PCNT: variants seen among roughly 807,000 people sequenced by gnomAD.
The protein encoded by PCNT is pericentrin, also known as kendrin.
In PCNT, 319 loss-of-function variants were observed where a neutral mutation model predicts 380.4. That is an observed-to-expected ratio of 0.84 (90% CI 0.77 to 0.92). The LOEUF is 0.92. Among genes scored for constraint, PCNT ranks in the 40% least tolerant of loss-of-function variants. PCNT has a pLI of 0.00. For synonymous variants in PCNT, 1,845 were observed against 1,735.2 expected (o/e 1.06, Z -1.57); for missense variants, 4,400 against 4,255.3 (o/e 1.03, Z -0.95).
At position 46,346,967 on chromosome 21, in the gene PCNT, G is replaced by T; in HGVS notation, c.945G>T (p.Glu315Asp). ...GGGAGCAGCACGCACGGGAGAAGGA[G>T]GAGGTGGTGCTCAGGTGTGGACAGG... ...LLREQHAREK[E>D]EVVLRCGQEA... Residue 315 changes from glutamate to aspartate, a missense_variant, in exon 5 of 47, where the codon GAG becomes GAT. By Grantham distance (45) the Glu-to-Asp change is conservative. Transcript: ENST00000359568. 1 of 1,596,690 alleles carries T rather than the reference G, an allele frequency of 6.3e-7. No individual in the cohort carries two copies. Among genetic ancestry groups the T allele is most frequent in the East Asian group, 2.3e-5 (1 of 44,308 alleles).
intron 3 of PCNT, among the ~76,000 whole-genome samples, chr21:46,345,195 G>C (rs910401423): frequency 6.6e-6 from 1 of 152,154 alleles, no homozygotes; most frequent in African/African-American, 2.4e-5. Flanking sequence ...AGAGTCCACA[G>C]CTTCTGTTTC....
rs567496677 is a variant in PCNT, at chr21:46,428,323, C to T, written c.7495-72C>T. The T allele has an allele frequency of 4.2e-4, 580 of 1,392,596 alleles. 2 individuals carry two copies. The African/African-American group carries it at 6.9e-3, about 17-fold the overall frequency. The allele number at this position is 1,392,596 out of a possible 1,614,324, so 86.3% of individuals were successfully genotyped here. On this transcript the variant is annotated intron_variant, in intron 34 of 46. Transcript: ENST00000359568. ...GTCCCGGCGGAGCTGGTTTTGAGGG[C>T]GGGCAGCAGGGAAGGCCGGGGCATG...
chr21:46,385,762 A>G lies in PCNT; in HGVS notation c.3313-70A>G, dbSNP rs78997215. On this transcript the variant is annotated intron_variant, in intron 16 of 46. Transcript: ENST00000359568. ...ACTCTCAAATACTGAAATTGTGTTGAAAGTCCCTTACAGCCATTTGCTTTT... is the reference window on the plus strand; with the variant it reads ...ACTCTCAAATACTGAAATTGTGTTGGAAGTCCCTTACAGCCATTTGCTTTT... 757 of 1,521,438 alleles carry G rather than the reference A, an allele frequency of 5.0e-4. 5 individuals carry two copies. In the African/African-American group the frequency reaches 9.1e-3, roughly 18 times the overall value. The allele number at this position is 1,521,438 out of a possible 1,614,324, so 94.2% of individuals were successfully genotyped here. A position where few individuals can be genotyped will look rare whatever the true frequency, so the allele number is the denominator to read the frequency against.
intron 26 of PCNT, 100 bp downstream of exon 26, chr21:46,401,821 T>C (rs2086439265): frequency 9.3e-7 from 1 of 1,069,846 alleles, no homozygotes; most frequent in African/African-American, 1.6e-5. Context: ...GGCGATGGGC[T>C]TGTGACCACT....
intron 21 of PCNT, among the ~76,000 whole-genome samples, chr21:46,393,408 C>T (rs1318493231): frequency 4.6e-5 from 7 of 152,146 alleles, no homozygotes; most frequent in African/African-American, 1.4e-4. Flanking sequence ...CGTCCGTTGT[C>T]GCTGTTTCTC....
chr21:46,337,034 G>C (rs987583560), intron 3 of PCNT, among the ~76,000 whole-genome samples: 3 of 151,656 alleles, frequency 2.0e-5, no homozygotes, highest in Admixed American at 6.6e-5. Context: ...GTCTCGCTCT[G>C]TTGCCCAGGC....
chr21:46,417,184 C>CTTTTTTTTTTTTTTTT (rs71318076), intron 30 of PCNT, among the ~76,000 whole-genome samples: 2 of 73,302 alleles, frequency 2.7e-5, no homozygotes, highest in Non-Finnish European at 5.0e-5. Context: ...GGAATGCTTC[C>CTTTTTTTTTTTTTTTT]TTTTTTTTTT....
intron 3 of PCNT, among the ~76,000 whole-genome samples, chr21:46,336,487 C>T (rs2083739599): frequency 6.6e-6 from 1 of 152,182 alleles, no homozygotes; most frequent in Non-Finnish European, 1.5e-5. Flanking sequence ...GTTGTTGCAG[C>T]TCTGTCCGTG....
Position 46,425,160 on chromosome 21 carries a change from A to G in PCNT, c.7180-671A>G, listed in dbSNP as rs540226101. 5.5e-4 allele frequency among the ~76,000 whole-genome samples: 83 copies of G among 152,226 alleles called. No homozygotes were observed. Among genetic ancestry groups the G allele is most frequent in the African/African-American group, 2.0e-3 (82 of 41,520 alleles). ...TGGGCTCTAGGCTGGTCGTGACACC[A>G]GCTTCTCCATAGGGCCGTCTGCTTA... On this transcript the variant is annotated intron_variant, in intron 32 of 46. Transcript: ENST00000359568. This position sits in a 1 kb window ranked among gnomAD's most constrained non-coding sequence, Gnocchi z 4.2.
chr21:46,391,337 G>T lies in PCNT; in HGVS notation c.4177G>T (p.Gly1393Trp), dbSNP rs753662756. 4.5e-6 allele frequency: 7 copies of T among 1,556,722 alleles called. No individual in the cohort carries two copies. Among genetic ancestry groups the T allele is most frequent in the African/African-American group, 2.7e-5 (2 of 73,570 alleles). The stretch of plus-strand genomic sequence containing the variant: ...GGAGTGCACCCGTCTGTGGAGTCGG[G>T]GGGAGGCCACAGCCACGGACGCCGA... ...REECTRLWSR[G>W]EATATDAEAR... The change falls in exon 21 of 47, where the codon GGG becomes TGG. Residue 1393 changes from glycine to tryptophan, a missense_variant. Transcript: ENST00000359568.
chr21:46,336,889 C>CA (rs1315081671), intron 3 of PCNT, among the ~76,000 whole-genome samples: 3 of 151,994 alleles, frequency 2.0e-5, no homozygotes, highest in South Asian at 2.1e-4. Context: ...GCCCTCCCCC[C>CA]CAGGTTTATT....
chr21:46,345,812 T>C (rs956289875), intron 3 of PCNT, among the ~76,000 whole-genome samples: 1 of 152,214 alleles, frequency 6.6e-6, no homozygotes, highest in Non-Finnish European at 1.5e-5. Context: ...GAACACTTGA[T>C]GTAAACGGAA....
rs140003788 is a variant in PCNT at position 46,385,908 on chromosome 21, G to A, written c.3389G>A (p.Arg1130Gln). 29 of 1,614,086 alleles carry A rather than the reference G, an allele frequency of 1.8e-5. No individual in the cohort carries two copies. The African/African-American group carries it at 1.9e-4, about 10-fold the overall frequency. Reference protein sequence around the residue: ...RSELEVLQQRRERENREGANL... With the variant: ...RSELEVLQQRQERENREGANL... ...GAGTTGGAGGTGCTGCAGCAGAGGCGGGAGCGGGAGAACCGGGAAGGCGCA... is the reference window on the plus strand; with the variant it reads ...GAGTTGGAGGTGCTGCAGCAGAGGCAGGAGCGGGAGAACCGGGAAGGCGCA... Residue 1130 changes from arginine (R) to glutamine (Q), a missense_variant, in exon 17 of 47, where the codon CGG becomes CAG. By Grantham distance (43) the Arg-to-Gln change is conservative. Transcript: ENST00000359568.
At chr21:46,421,592 C>T (rs906722342) in intron 31 of PCNT, among the ~76,000 whole-genome samples, 1 of 152,232 alleles carries the variant, frequency 6.6e-6, no homozygotes, top group Non-Finnish European at 1.5e-5. Flanking sequence ...ATCTCCGTGG[C>T]TGGCGTGGAG....
chr21:46,331,698 T>C (rs1485424638), intron 2 of PCNT, among the ~76,000 whole-genome samples: 1 of 151,884 alleles, frequency 6.6e-6, no homozygotes, highest in Admixed American at 6.6e-5. Flanking sequence ...CCCAGGAGTT[T>C]GAGGCTACAG....
rs544692284 is a variant in PCNT at position 46,394,427 on chromosome 21, G to A, written c.4217-2838G>A. The A allele has an allele frequency of 2.6e-5, 17 of 662,994 alleles. No individual in the cohort carries two copies. The African/African-American group carries it at 2.9e-4, about 11-fold the overall frequency. The allele number at this position is 662,994 out of a possible 1,614,324, so 41.1% of individuals were successfully genotyped here. Reference sequence around the variant, plus strand: ...CCAGAGCCCTGCTGCTGACGCTGCCGTCACTGGTTCTAGCTCTCACATTCT... The same window carrying A: ...CCAGAGCCCTGCTGCTGACGCTGCCATCACTGGTTCTAGCTCTCACATTCT... On this transcript the variant is annotated intron_variant, in intron 21 of 46. Coordinates refer to ENST00000359568, the MANE Select transcript of PCNT (RefSeq NM_006031.6).
At chr21:46,430,970 A>G (rs2087737398) in intron 37 of PCNT, 5 of 985,152 alleles carry the variant, frequency 5.1e-6, no homozygotes, top group South Asian at 4.7e-5. Context: ...GCACAGCCTC[A>G]GAGGTCTGTG....
chr21:46,394,161 C>G (rs1412871096), intron 21 of PCNT, among the ~76,000 whole-genome samples: 1 of 152,260 alleles, frequency 6.6e-6, no homozygotes, highest in Non-Finnish European at 1.5e-5. Flanking sequence ...GACCACTCTC[C>G]CGGCAGGGCC....
intron 21 of PCNT, among the ~76,000 whole-genome samples, chr21:46,393,123 C>T (rs566029635): frequency 3.3e-5 from 5 of 152,194 alleles, no homozygotes; most frequent in Non-Finnish European, 7.3e-5. Flanking sequence ...CGTCATCTCC[C>T]CACGGGCCTC....
Sources: gnomAD v4.1 joint callset for allele counts (sites outside exome capture counted in the v4.1 genomes callset) on GRCh38, gnomAD v4.1.1 for gene constraint, Gnocchi (gnomAD v3.1) non-coding constraint, MANE v1.5 for transcripts, NCBI Gene and HGNC (gene_info 2026-07-23, HGNC 2026-07-21) for gene names.